WDR72: variants seen among roughly 807,000 people sequenced by gnomAD.
The protein encoded by WDR72 is WD repeat-containing protein 72.
WDR72 carries 120 observed loss-of-function variants against 124.2 expected under a neutral mutation model. The ratio of observed to expected loss-of-function variants is 0.97; its 90% CI spans 0.83 to 1.12. The LOEUF (loss-of-function observed/expected upper bound fraction) is 1.12. WDR72 is among the 50% of genes most tolerant of loss of function. WDR72 has a pLI of 0.00. For missense variants in WDR72, 1,387 were observed against 1,278.8 expected (o/e 1.08, Z -1.29); for synonymous variants, 452 against 441.7 (o/e 1.02, Z -0.29).
intron 13 of WDR72, among the ~76,000 whole-genome samples, chr15:53,672,574 T>C (rs1201187537): frequency 6.6e-6 from 1 of 152,152 alleles, no homozygotes; most frequent in African/African-American, 2.4e-5. Flanking sequence ...TCTTGCAATA[T>C]CAGGCTGTCT....
intron 14 of WDR72, among the ~76,000 whole-genome samples, chr15:53,646,641 A>G (rs1326146150): frequency 6.6e-6 from 1 of 152,156 alleles, no homozygotes; most frequent in Non-Finnish European, 1.5e-5. Context: ...AACCACAACC[A>G]CAAGTGTGTC....
chr15:53,613,629 A>C (rs1022643854), intron 16 of WDR72, 37 bp downstream of exon 16: 25 of 1,453,868 alleles, frequency 1.7e-5, no homozygotes, highest in Non-Finnish European at 2.2e-5. Flanking sequence ...CACAGAAAAA[A>C]AAAATCAGAT....
At chr15:53,609,156 T>TA (rs889220220) in intron 17 of WDR72, among the ~76,000 whole-genome samples, 2 of 151,224 alleles carry the variant, frequency 1.3e-5, no homozygotes, top group East Asian at 1.9e-4. Flanking sequence ...AATCAAAAAT[T>TA]AAAAAAAAAT....
chr15:53,609,471 G>A (rs1301538280), intron 17 of WDR72, 42 bp downstream of exon 17: 3 of 1,547,826 alleles, frequency 1.9e-6, no homozygotes, highest in Non-Finnish European at 2.7e-6. Context: ...ACAGCAGCAA[G>A]GAACTCTTCT....
At chr15:53,630,160 G>A (rs1413793417) in intron 14 of WDR72, among the ~76,000 whole-genome samples, 1 of 152,128 alleles carries the variant, frequency 6.6e-6, no homozygotes, top group Non-Finnish European at 1.5e-5. Context: ...ACTGGCATAA[G>A]AAGAAATAGA....
chr15:53,546,941 G>A (rs1893500401), intron 18 of WDR72, among the ~76,000 whole-genome samples: 1 of 152,170 alleles, frequency 6.6e-6, no homozygotes, highest in Non-Finnish European at 1.5e-5. Context: ...GAAAGAGTAA[G>A]TAGACAATTA....
chr15:53,716,144 TA>T (rs1363214818), intron 4 of WDR72, among the ~76,000 whole-genome samples: 1 of 152,104 alleles, frequency 6.6e-6, no homozygotes, highest in East Asian at 1.9e-4. Context: ...AACCATCTAC[TA>T]AAAGCCAAGA....
At chr15:53,741,730 G>T (rs1178141835) in intron 1 of WDR72, among the ~76,000 whole-genome samples, 1 of 137,978 alleles carries the variant, frequency 7.2e-6, no homozygotes, top group East Asian at 2.4e-4. Context: ...ATGTGATCCA[G>T]ATTTTTTTTT....
intron 1 of WDR72, among the ~76,000 whole-genome samples, chr15:53,742,120 C>G (rs1317031004): frequency 6.6e-6 from 1 of 152,162 alleles, no homozygotes; most frequent in Non-Finnish European, 1.5e-5. Context: ...TGATTAAAAG[C>G]TTGCACATAT....
intron 14 of WDR72, among the ~76,000 whole-genome samples, chr15:53,626,237 C>G (rs558602824): frequency 6.6e-6 from 1 of 152,164 alleles, no homozygotes; most frequent in Non-Finnish European, 1.5e-5. Context: ...TTGGGCCACG[C>G]GATGAGTGTT....
chr15:53,523,354 C>G (rs757613313), intron 18 of WDR72, 32 bp from the exon 19 acceptor site: 28 of 1,216,536 alleles, frequency 2.3e-5, no homozygotes, highest in Non-Finnish European at 2.7e-5. Context: ...GAGAGAGAGA[C>G]AGAAGAGAGA....
chr15:53,650,260 G>A (rs1349526763), intron 14 of WDR72, among the ~76,000 whole-genome samples: 1 of 152,074 alleles, frequency 6.6e-6, no homozygotes, highest in Non-Finnish European at 1.5e-5. Context: ...TCGAAGAGTG[G>A]AATTGTGCTT....
In WDR72 at chr15:53,727,896, T is replaced by A. The variant is rs117205249; in HGVS notation, c.154-4988A>T. 6.8e-3 allele frequency among the ~76,000 whole-genome samples: 1,041 copies of A among 152,296 alleles called. 9 individuals carry two copies. The highest frequency in any genetic ancestry group is 0.012 in the Non-Finnish European group (807 of 68,026). ...AATTCAAAAATTCTACAATCACACTTAGTCACTGTCATGATGAAATCTGCA... is the reference window on the plus strand; with the variant it reads ...AATTCAAAAATTCTACAATCACACTAAGTCACTGTCATGATGAAATCTGCA... On this transcript the variant is annotated intron_variant, in intron 2 of 19. Transcript: ENST00000360509.
intron 18 of WDR72, among the ~76,000 whole-genome samples, chr15:53,541,358 G>A (rs927812338): frequency 6.6e-6 from 1 of 152,096 alleles, no homozygotes; most frequent in African/African-American, 2.4e-5. Flanking sequence ...CAGCCTAACT[G>A]GGAGGCACCC....
Position 53,523,316 on chromosome 15 carries a change from A to C in WDR72, c.3155T>G (p.Val1052Gly), listed in dbSNP as rs1487725894. Reference protein sequence around the residue: ...VRNTLPLQTPVSPVKHDSNSN... With the variant: ...VRNTLPLQTPGSPVKHDSNSN... Reference sequence around the variant, plus strand: ...GTTGCTGTCATGCTTGACCGGGCTGACTGGAGCTATTAAAAGAGAGAGAGA... The same window carrying C: ...GTTGCTGTCATGCTTGACCGGGCTGCCTGGAGCTATTAAAAGAGAGAGAGA... The change falls in exon 19 of 20, where the codon GTC (valine) becomes GGC (glycine). Residue 1052 changes from valine (V) to glycine (G), a missense_variant. Physicochemically the swap from Val to Gly is moderately radical, Grantham distance 109. Transcript: ENST00000360509. 3.7e-6 allele frequency: 6 copies of C among 1,611,132 alleles called. No individual in the cohort carries two copies. The highest frequency in any genetic ancestry group is 5.1e-6 in the Non-Finnish European group (6 of 1,178,936).
At chr15:53,531,131 A>G (rs1892438591) in intron 18 of WDR72, among the ~76,000 whole-genome samples, 1 of 152,096 alleles carries the variant, frequency 6.6e-6, no homozygotes, top group Admixed American at 6.6e-5. Flanking sequence ...AAGGAAGAAC[A>G]TGTCTGAGTT....
intron 18 of WDR72, among the ~76,000 whole-genome samples, chr15:53,579,372 A>G (rs912179453): frequency 3.2e-4 from 49 of 152,106 alleles, no homozygotes; most frequent in African/African-American, 1.2e-3. Flanking sequence ...GGGAGGAAAA[A>G]GCATTCTCCT....
Position 53,523,330 on chromosome 15 carries a change from A to AAGGGAG in WDR72, c.3149-9_3149-8insCTCCCT. 6.3e-7 allele frequency: 1 copy of AAGGGAG among 1,574,988 alleles called. No homozygotes were observed. The highest frequency in any genetic ancestry group is 8.7e-7 in the Non-Finnish European group (1 of 1,152,314). On this transcript the variant is annotated splice_polypyrimidine_tract_variant and intron_variant, in intron 18 of 19. Transcript: ENST00000360509. The stretch of plus-strand genomic sequence containing the variant: ...TGACCGGGCTGACTGGAGCTATTAA[A>AAGGGAG]AGAGAGAGAGAGAGAGAGAGAGACA...
chr15:53,664,089 T>A (rs1414652231), intron 14 of WDR72, among the ~76,000 whole-genome samples: 1 of 152,166 alleles, frequency 6.6e-6, no homozygotes, highest in Admixed American at 6.5e-5. Flanking sequence ...AATTCAGAAA[T>A]GTTTCCATGC....
Sources: allele counts gnomAD v4.1 joint callset (sites outside exome capture counted in the v4.1 genomes callset), GRCh38; gene constraint gnomAD v4.1.1; transcripts MANE v1.5; gene names NCBI Gene and HGNC (gene_info 2026-07-23, HGNC 2026-07-21).